The following MASTL variants were observed in gnomAD, a reference collection of about 807,000 sequenced individuals.
MASTL encodes serine/threonine-protein kinase greatwall.
A neutral mutation model predicts 82.5 loss-of-function variants in MASTL; 54 were observed. The ratio of observed to expected loss-of-function variants is 0.65; its 90% CI spans 0.53 to 0.82. The LOEUF is 0.82. Ranked by LOEUF, MASTL falls within the 40% of genes least tolerant of loss-of-function variation. MASTL has a pLI of 0.00. For missense variants in MASTL, 950 were observed against 1,047.8 expected, an observed-to-expected ratio of 0.91 and a Z score of 1.29; for synonymous variants, 323 against 368.9, an observed-to-expected ratio of 0.88 and a Z score of 1.43.
At position 27,158,690 on chromosome 10, in the gene MASTL, A is replaced by C. The variant is rs751957791; in HGVS notation, c.324+4A>C. Reference sequence around the variant, plus strand: ...GTCTGCAAACAATGTCTACTTGGTGAGTAAATAATTTTTATGTTGTTTCTT... The same window carrying C: ...GTCTGCAAACAATGTCTACTTGGTGCGTAAATAATTTTTATGTTGTTTCTT... On this transcript the variant is annotated splice_donor_region_variant and intron_variant, in intron 2 of 11. Transcript: ENST00000375940. 2.1e-5 allele frequency: 34 copies of C among 1,613,526 alleles called. No individual in the cohort carries two copies. The South Asian group carries it at 3.7e-4, about 18-fold the overall frequency.
At chr10:27,156,934 G>A (rs1382788353) in intron 1 of MASTL, among the ~76,000 whole-genome samples, 1 of 147,100 alleles carries the variant, frequency 6.8e-6, no homozygotes, top group Non-Finnish European at 1.5e-5. Context: ...TCAGCCTCCC[G>A]AGTAGTTGGG....
At chr10:27,179,090 G>T (rs2058192962) in intron 9 of MASTL, among the ~76,000 whole-genome samples, 1 of 152,236 alleles carries the variant, frequency 6.6e-6, no homozygotes. Context: ...TGTCTTTAAA[G>T]AGTAACTTTC....
rs377287367 is a variant in MASTL at position 27,159,748 on chromosome 10, A to C, written c.454A>C (p.Ile152Leu). 6.2e-7 allele frequency: 1 copy of C among 1,612,066 alleles called. No individual in the cohort carries two copies. Among genetic ancestry groups the C allele is most frequent in the Non-Finnish European group, 8.5e-7 (1 of 1,178,476 alleles). The change falls in exon 3 of 12, where the codon ATC becomes CTC. Residue 152 changes from isoleucine to leucine, a missense_variant. Coordinates refer to ENST00000375940, the MANE Select transcript of MASTL (RefSeq NM_001172303.3). The surrounding 1 kb of genome is among the most constrained non-coding windows in gnomAD (Gnocchi z 4.0). The part of the protein sequence containing the change: ...LALDYLHRHG[I>L]IHRDLKPDNM... ...TCTAGACTACCTTCACAGACATGGA[A>C]TCATCCACAGGTAAAGACTGACTTC... is the stretch of plus-strand genomic sequence containing the variant.
rs550104718 is a variant in MASTL, at chr10:27,174,321, C to G, written c.2266+1062C>G. Among the ~76,000 whole-genome samples the G allele has an allele frequency of 3.3e-5, 5 of 152,074 alleles. No homozygotes were observed. The South Asian group carries it at 1.0e-3, about 32-fold the overall frequency. Reference sequence around the variant, plus strand: ...AGTGAGCCAAGATCGTGCCACTACACTCGAGCCTGGGCAACAGAGCAAGAC... The same window carrying G: ...AGTGAGCCAAGATCGTGCCACTACAGTCGAGCCTGGGCAACAGAGCAAGAC... On this transcript the variant is annotated intron_variant, in intron 9 of 11. Transcript: ENST00000375940.
In MASTL at chr10:27,167,285, C is replaced by G; in HGVS notation, c.984+11C>G. On this transcript the variant is annotated intron_variant, in intron 7 of 11. Transcript: ENST00000375940. ...GAAAAAGATTGCCAGGTTTGAGGGA[C>G]ATTTATCTTAATGAAAATCAATTAT... 1 of 1,606,636 alleles carries G rather than the reference C, an allele frequency of 6.2e-7. No homozygotes were observed. Among genetic ancestry groups the G allele is most frequent in the South Asian group, 1.1e-5 (1 of 90,900 alleles).
Position 27,171,096 on chromosome 10 carries a change from C to A in MASTL, c.2124+13C>A, listed in dbSNP as rs1438923105. On this transcript the variant is annotated intron_variant, in intron 8 of 11. Coordinates refer to ENST00000375940, the MANE Select transcript of MASTL (RefSeq NM_001172303.3). Reference sequence around the variant, plus strand: ...TATGCCACATCAGGTATATTTATAACTTTCTAATACTGTTTTTTGGATTTT... The same window carrying A: ...TATGCCACATCAGGTATATTTATAAATTTCTAATACTGTTTTTTGGATTTT... The A allele has an allele frequency of 1.2e-6, 2 of 1,610,046 alleles. No individual in the cohort carries two copies. The highest frequency in any genetic ancestry group is 1.7e-6 in the Non-Finnish European group (2 of 1,176,406).
Position 27,180,945 on chromosome 10 carries a change from G to A in MASTL, c.2267-8G>A, listed in dbSNP as rs374317538. On this transcript the variant is annotated splice_polypyrimidine_tract_variant and splice_region_variant and intron_variant, in intron 9 of 11. Coordinates refer to ENST00000375940, the MANE Select transcript of MASTL (RefSeq NM_001172303.3). ...TTGCAACTTTAGCTGTTTCCTCTTCGATTACAGGTCCTGCGGTAGACTGGT... is the reference window on the plus strand; with the variant it reads ...TTGCAACTTTAGCTGTTTCCTCTTCAATTACAGGTCCTGCGGTAGACTGGT... 9.1e-5 allele frequency: 142 copies of A among 1,563,868 alleles called. No individual in the cohort carries two copies. Among genetic ancestry groups the A allele is most frequent in the East Asian group, 2.0e-4 (9 of 44,644 alleles).
At chr10:27,182,146 G>A (rs2058355222) in intron 11 of MASTL, among the ~76,000 whole-genome samples, 1 of 151,166 alleles carries the variant, frequency 6.6e-6, no homozygotes, top group East Asian at 1.9e-4. Context: ...AGCTACTCTG[G>A]AGGCTGAGGC....
chr10:27,155,558 C>A lies in MASTL; in HGVS notation c.132C>A (p.Gly44=). 1 of 1,614,122 alleles carries A rather than the reference C, an allele frequency of 6.2e-7. No individual in the cohort carries two copies. Among genetic ancestry groups the A allele is most frequent in the Non-Finnish European group, 8.5e-7 (1 of 1,179,994 alleles). The change falls in exon 1 of 12, where the codon GGC becomes GGA. Residue 44 remains glycine, a synonymous_variant. Transcript: ENST00000375940. The stretch of plus-strand genomic sequence containing the variant: ...GCATAGTGAAGCCCATTAGCCGGGG[C>A]GCCTTCGGGAAAGTGTATCTGGGGC... ...EFSIVKPISR[G]AFGKVYLGQK... is the part of the protein sequence containing the mutation.
intron 1 of MASTL, among the ~76,000 whole-genome samples, chr10:27,156,807 A>G (rs1056664833): frequency 6.8e-6 from 1 of 147,414 alleles, no homozygotes; most frequent in Admixed American, 6.8e-5. Flanking sequence ...GGTGTGAGCC[A>G]CCGCGCCCTG....
chr10:27,167,213 C>T lies in MASTL; in HGVS notation c.923C>T (p.Thr308Ile). ...ATSSASSQSH[T>I]FISSVESECH... ...TCCAGTGCCAGTAGTCAATCCCACA[C>T]CTTCATATCCAGTGTGGAATCAGAA... The change falls in exon 7 of 12, where the codon ACC becomes ATC. Residue 308 changes from threonine to isoleucine, a missense_variant. Transcript: ENST00000375940. The T allele has an allele frequency of 6.2e-7, 1 of 1,614,126 alleles. No individual in the cohort carries two copies. The highest frequency in any genetic ancestry group is 8.5e-7 in the Non-Finnish European group (1 of 1,179,970).
Position 27,187,751 on chromosome 10 carries a change from C to CAAAAAA in MASTL, c.*1224_*1229dup, listed in dbSNP as rs11442040. ...TGGGCAACAGAATGAGACTCAGTCT[C>CAAAAAA]AAAAAAAAAAAAAATACTACTGGAA... On this transcript the variant is annotated 3_prime_UTR_variant, in exon 12 of 12. Coordinates refer to ENST00000375940, the MANE Select transcript of MASTL (RefSeq NM_001172303.3). 7.2e-6 allele frequency among the ~76,000 whole-genome samples: 1 copy of CAAAAAA among 139,374 alleles called. No homozygotes were observed. 91.4% of individuals were successfully genotyped at this position (139,374 alleles called of 152,430 possible).
intron 8 of MASTL, among the ~76,000 whole-genome samples, 167 bp from the exon 9 acceptor site, chr10:27,172,951 A>G (rs1257162874): frequency 6.6e-6 from 1 of 152,166 alleles, no homozygotes; most frequent in East Asian, 1.9e-4. Context: ...CTTTTTCATA[A>G]TTATAACTAA....
intron 6 of MASTL, 90 bp from the exon 7 acceptor site, chr10:27,167,003 TAATTCTTGA>T: frequency 2.3e-6 from 2 of 878,596 alleles, no homozygotes; most frequent in Non-Finnish European, 3.7e-6. Context: ...TATTAATATG[TAATTCTTGA>T]TACTTTGCTT....
chr10:27,162,822 G>A (rs2135996778), intron 4 of MASTL, among the ~76,000 whole-genome samples: 1 of 152,250 alleles, frequency 6.6e-6, no homozygotes, highest in South Asian at 2.1e-4. Context: ...TCTTCATGTG[G>A]AAGTACAAAG....
chr10:27,165,473 C>T lies in MASTL; in HGVS notation c.745C>T (p.Leu249Phe). ...LSETSQLSQGLVCPMSVDQKD... is the reference protein window; with the variant it reads ...LSETSQLSQGFVCPMSVDQKD... The stretch of plus-strand genomic sequence containing the variant: ...TGAAACATCACAGCTTTCTCAAGGA[C>T]TCGTATGCCCTATGTCTGTAGATCA... The change falls in exon 6 of 12, where the codon CTC (leucine) becomes TTC (phenylalanine). Residue 249 changes from leucine to phenylalanine, a missense_variant. Transcript: ENST00000375940. 6.2e-7 allele frequency: 1 copy of T among 1,614,060 alleles called. No individual in the cohort carries two copies. The highest frequency in any genetic ancestry group is 1.3e-5 in the African/African-American group (1 of 75,042).
At chr10:27,168,955 G>T (rs896620129) in intron 7 of MASTL, among the ~76,000 whole-genome samples, 4 of 151,930 alleles carry the variant, frequency 2.6e-5, no homozygotes, top group Non-Finnish European at 5.9e-5. Context: ...GACTAATCTT[G>T]TAAAAATCTT....
rs189631793 is a variant in MASTL at position 27,157,332 on chromosome 10, A to G, written c.187-1217A>G. Among the ~76,000 whole-genome samples, 13 of 152,322 alleles carry G rather than the reference A, an allele frequency of 8.5e-5. No individual in the cohort carries two copies. In the East Asian group the frequency reaches 2.5e-3, roughly 29 times the overall value. On this transcript the variant is annotated intron_variant, in intron 1 of 11. Transcript: ENST00000375940. ...AATGAAAACACCAATCCATGTGTTC[A>G]GTCAGTATTTGCTTAGCACCCACCC...
intron 11 of MASTL, among the ~76,000 whole-genome samples, chr10:27,184,018 G>A (rs560034112): frequency 6.6e-6 from 1 of 152,128 alleles, no homozygotes; most frequent in African/African-American, 2.4e-5. Flanking sequence ...GGCCCAGTTT[G>A]TTTACTCACT....
Sources: gnomAD v4.1 joint callset for allele counts (sites outside exome capture counted in the v4.1 genomes callset) on GRCh38, gnomAD v4.1.1 for gene constraint, Gnocchi (gnomAD v3.1) non-coding constraint, MANE v1.5 for transcripts, NCBI Gene and HGNC (gene_info 2026-07-23, HGNC 2026-07-21) for gene names.